The following C18orf63 variants were observed in gnomAD, a reference collection of about 807,000 sequenced individuals.
C18orf63 encodes the protein uncharacterized protein C18orf63.
C18orf63 carries 50 observed loss-of-function variants against 75.3 expected under a neutral mutation model. The ratio of observed to expected loss-of-function variants is 0.66; its 90% confidence interval spans 0.53 to 0.84. The LOEUF is 0.84. Among genes scored for constraint, C18orf63 ranks in the 40% least tolerant of loss-of-function variants. C18orf63 has a pLI of 0.00. For synonymous variants in C18orf63, 232 were observed against 267.6 expected (o/e 0.87, Z 1.30); for missense variants, 732 against 800.2 (o/e 0.91, Z 1.03).
chr18:74,316,236 T>C (rs547080330), intron 1 of C18orf63, 127 bp downstream of exon 1: 1 of 152,276 alleles, frequency 6.6e-6, no homozygotes, highest in South Asian at 2.1e-4. Context: ...GAAAAAAATG[T>C]ATTCATCTGC....
chr18:74,323,486 T>C (rs1221726304), intron 4 of C18orf63, among the ~76,000 whole-genome samples: 1 of 152,208 alleles, frequency 6.6e-6, no homozygotes. Context: ...AACAGTATTA[T>C]TCAGGAGCAA....
rs189417113 is a variant in C18orf63, at chr18:74,333,678, G to A, written c.501+2736G>A. ...CACTGGGTCCCTCCCACAACATGTG[G>A]GGATTATGGAAACTACAGTTCAAGA... On this transcript the variant is annotated intron_variant, in intron 7 of 13. Coordinates refer to ENST00000579455, the MANE Select transcript of C18orf63 (RefSeq NM_001174123.2). 8.5e-5 allele frequency among the ~76,000 whole-genome samples: 13 copies of A among 152,222 alleles called. No individual in the cohort carries two copies. In the East Asian group the frequency reaches 1.9e-3, roughly 23 times the overall value.
intron 2 of C18orf63, among the ~76,000 whole-genome samples, chr18:74,320,115 G>A (rs1355946540): frequency 1.3e-5 from 2 of 152,146 alleles, no homozygotes; most frequent in African/African-American, 4.8e-5. Flanking sequence ...GAGTGTATTA[G>A]TCTGTTTTCA....
intron 13 of C18orf63, among the ~76,000 whole-genome samples, chr18:74,356,145 G>A (rs1984760599): frequency 6.6e-6 from 1 of 152,160 alleles, no homozygotes; most frequent in South Asian, 2.1e-4. Context: ...GTATAAATTT[G>A]TGGGGTACAA....
intron 4 of C18orf63, among the ~76,000 whole-genome samples, chr18:74,323,457 C>G: frequency 6.6e-6 from 1 of 152,196 alleles, no homozygotes; most frequent in East Asian, 1.9e-4. Context: ...TTCCAGCCAT[C>G]AGTTACAATC....
rs187946149 is a variant in C18orf63, at chr18:74,354,240, A to C, written c.1973A>C (p.Tyr658Ser). ...AAGCATCATTCCGATACTGTGCACT[A>C]TGGCCAATCCAGTTCTTCTAAGAAG... is the stretch of plus-strand genomic sequence containing the variant. ...SKKHHSDTVH[Y>S]GQSSSSKKQI... The change falls in exon 12 of 14, where the codon TAT becomes TCT. Residue 658 changes from tyrosine (Y) to serine (S), a missense_variant. Transcript: ENST00000579455. The C allele has an allele frequency of 2.0e-4, 306 of 1,526,112 alleles. No homozygotes were observed. Among genetic ancestry groups the C allele is most frequent in the Non-Finnish European group, 1.5e-4 (177 of 1,143,568 alleles). 94.5% of individuals were successfully genotyped at this position (1,526,112 alleles called of 1,614,324 possible).
At chr18:74,350,885 G>A (rs1019495265) in intron 11 of C18orf63, among the ~76,000 whole-genome samples, 2 of 152,178 alleles carry the variant, frequency 1.3e-5, no homozygotes, top group Non-Finnish European at 2.9e-5. Context: ...ATGATATTAG[G>A]AGGTAGGGTC....
intron 11 of C18orf63, among the ~76,000 whole-genome samples, chr18:74,349,670 C>G (rs1305502042): frequency 6.6e-6 from 1 of 151,934 alleles, no homozygotes; most frequent in African/African-American, 2.4e-5. Context: ...CAAAACCATC[C>G]CCCCCACCAC....
chr18:74,353,768 A>G lies in C18orf63; in HGVS notation c.1501A>G (p.Asn501Asp), dbSNP rs1042846195. ...YSSNIQMQAA[N>D]NLNQENSRPL... Reference sequence around the variant, plus strand: ...TAGTAACATTCAGATGCAGGCTGCTAACAATTTAAATCAGGAGAATTCCAG... The same window carrying G: ...TAGTAACATTCAGATGCAGGCTGCTGACAATTTAAATCAGGAGAATTCCAG... The change falls in exon 12 of 14, where the codon AAC becomes GAC. Residue 501 changes from asparagine (N) to aspartate (D), a missense_variant. By Grantham distance (23) the Asn-to-Asp change is conservative. Around this residue, in one of 3 missense-constraint regions of C18orf63, gnomAD observed 495 missense variants for 508.7 expected, o/e 0.97. Transcript: ENST00000579455. 3.3e-6 allele frequency: 5 copies of G among 1,535,930 alleles called. No individual in the cohort carries two copies. The African/African-American group carries it at 5.5e-5, about 17-fold the overall frequency.
At chr18:74,339,427 C>T (rs555901556) in intron 8 of C18orf63, among the ~76,000 whole-genome samples, 2 of 152,058 alleles carry the variant, frequency 1.3e-5, no homozygotes, top group African/African-American at 4.8e-5. Context: ...TTTGTGCTTA[C>T]AATTGGCACA....
chr18:74,353,227 T>A lies in C18orf63; in HGVS notation c.979-19T>A, dbSNP rs1448898156. ...ATTATTAACATTTTAAATTTTTTTT[T>A]AATCTCTATCCTTTTCAGGAACACA... On this transcript the variant is annotated intron_variant, in intron 11 of 13. Transcript: ENST00000579455. 4.8e-6 allele frequency: 7 copies of A among 1,466,948 alleles called. No homozygotes were observed. The East Asian group carries it at 7.4e-5, about 16-fold the overall frequency. The allele number at this position is 1,466,948 out of a possible 1,614,324, so 90.9% of individuals were successfully genotyped here.
chr18:74,333,618 A>C (rs1315471393), intron 7 of C18orf63, among the ~76,000 whole-genome samples: 1 of 152,144 alleles, frequency 6.6e-6, no homozygotes, highest in East Asian at 1.9e-4. Flanking sequence ...CAAGAACTGC[A>C]TGAGGGTAAC....
intron 11 of C18orf63, among the ~76,000 whole-genome samples, chr18:74,353,035 A>G (rs901175873): frequency 1.3e-5 from 2 of 152,172 alleles, no homozygotes; most frequent in Admixed American, 6.5e-5. Context: ...TTAAGATAGT[A>G]TCTTGGATAG....
intron 13 of C18orf63, among the ~76,000 whole-genome samples, chr18:74,355,772 T>G (rs1984754306): frequency 6.6e-6 from 1 of 152,026 alleles, no homozygotes; most frequent in Admixed American, 6.6e-5. Flanking sequence ...GTACAAAAAA[T>G]TAGCTGGACG....
chr18:74,355,478 A>C (rs1032002251), intron 13 of C18orf63, among the ~76,000 whole-genome samples: 3 of 151,496 alleles, frequency 2.0e-5, no homozygotes, highest in African/African-American at 4.8e-5. Flanking sequence ...GTCCTGACAC[A>C]ATTTTTAAAA....
At chr18:74,328,428 A>G (rs1262962205) in intron 5 of C18orf63, among the ~76,000 whole-genome samples, 3 of 152,170 alleles carry the variant, frequency 2.0e-5, no homozygotes, top group Non-Finnish European at 4.4e-5. Context: ...GAATTATGGG[A>G]GCTACAATTC....
At chr18:74,316,782 AAAC>A (rs1984033838) in intron 1 of C18orf63, among the ~76,000 whole-genome samples, 1 of 152,210 alleles carries the variant, frequency 6.6e-6, no homozygotes, top group Non-Finnish European at 1.5e-5. Context: ...TAGCCAAAGA[AAAC>A]AACATTCTTT....
intron 7 of C18orf63, among the ~76,000 whole-genome samples, chr18:74,337,627 C>T (rs1031228841): frequency 3.3e-5 from 5 of 152,158 alleles, no homozygotes; most frequent in Admixed American, 1.3e-4. Context: ...GGCAACTGAT[C>T]TCTTAAGCAC....
At position 74,354,889 on chromosome 18, in the gene C18orf63, T is replaced by C. The variant is rs549791092; in HGVS notation, c.*33+343T>C. On this transcript the variant is annotated intron_variant, in intron 13 of 13. Transcript: ENST00000579455. ...TGAACAGCTACTACAATATCCACTTTTTGGGATACCTACCCAAGATAATAA... is the reference window on the plus strand; with the variant it reads ...TGAACAGCTACTACAATATCCACTTCTTGGGATACCTACCCAAGATAATAA... Among the ~76,000 whole-genome samples the C allele has an allele frequency of 9.5e-4, 145 of 152,308 alleles. 1 individual carries two copies. Among genetic ancestry groups the C allele is most frequent in the Non-Finnish European group, 1.2e-4 (8 of 68,020 alleles).
Sources: gnomAD v4.1 joint callset for allele counts (sites outside exome capture counted in the v4.1 genomes callset) on GRCh38, gnomAD v4.1.1 for gene constraint, gnomAD v4.1.1 regional missense constraint, MANE v1.5 for transcripts, NCBI Gene and HGNC (gene_info 2026-07-23, HGNC 2026-07-21) for gene names.